Variants in CCDC150 observed in about 807,000 individuals in gnomAD.
The protein encoded by CCDC150 is coiled-coil domain containing 150.
In CCDC150, 151 loss-of-function variants were observed where a neutral mutation model predicts 156.5. The ratio of observed to expected loss-of-function variants is 0.97; its 90% CI spans 0.85 to 1.10. CCDC150 has a LOEUF of 1.10. CCDC150 is among the 50% of genes least tolerant of loss of function. The pLI, the probability that CCDC150 is intolerant of heterozygous loss-of-function variation, is 0.00. For missense variants in CCDC150, 1,312 were observed against 1,268.1 expected (o/e 1.03, Z -0.53); for synonymous variants, 452 against 429.4 (o/e 1.05, Z -0.65).
chr2:196,722,710 G>T (rs935587131), intron 21 of CCDC150, among the ~76,000 whole-genome samples: 7 of 152,126 alleles, frequency 4.6e-5, no homozygotes, highest in Admixed American at 4.6e-4. Flanking sequence ...CCTTAAGACT[G>T]TTCCATATTG....
intron 15 of CCDC150, among the ~76,000 whole-genome samples, chr2:196,701,760 T>C (rs1231785553): frequency 6.6e-6 from 1 of 152,214 alleles, no homozygotes; most frequent in Non-Finnish European, 1.5e-5. Flanking sequence ...TGCCATTTAC[T>C]TTGAAATGCA....
At chr2:196,643,604 C>T (rs1692366107) in intron 1 of CCDC150, among the ~76,000 whole-genome samples, 1 of 152,198 alleles carries the variant, frequency 6.6e-6, no homozygotes, top group Non-Finnish European at 1.5e-5. Context: ...GCATCCTATT[C>T]AAAATATGTG....
chr2:196,709,235 C>T (rs918296098), intron 15 of CCDC150, among the ~76,000 whole-genome samples: 18 of 152,088 alleles, frequency 1.2e-4, no homozygotes, highest in East Asian at 7.7e-4. Context: ...CTTCTCTTCT[C>T]GCTTTATTTC....
chr2:196,649,505 G>T (rs1306584925), intron 2 of CCDC150, among the ~76,000 whole-genome samples: 1 of 152,128 alleles, frequency 6.6e-6, no homozygotes, highest in Non-Finnish European at 1.5e-5. Flanking sequence ...TGGTATACCG[G>T]TTTATAGCCC....
At chr2:196,664,518 T>C (rs1253100134) in intron 5 of CCDC150, among the ~76,000 whole-genome samples, 1 of 152,242 alleles carries the variant, frequency 6.6e-6, no homozygotes, top group East Asian at 1.9e-4. Flanking sequence ...AGGCCCTTTC[T>C]GGGGCTAACC....
chr2:196,723,540 G>A (rs1481809275), intron 21 of CCDC150, among the ~76,000 whole-genome samples: 1 of 152,132 alleles, frequency 6.6e-6, no homozygotes, highest in Non-Finnish European at 1.5e-5. Flanking sequence ...TTTGGTGTGG[G>A]TTAGACTGCC....
intron 17 of CCDC150, among the ~76,000 whole-genome samples, chr2:196,717,309 A>G (rs1397058435): frequency 2.6e-5 from 4 of 152,280 alleles, no homozygotes; most frequent in Non-Finnish European, 5.9e-5. Context: ...TTTTGGAGGG[A>G]AGAGTGAATA....
At chr2:196,716,373 G>A (rs1697500878) in intron 17 of CCDC150, among the ~76,000 whole-genome samples, 1 of 152,190 alleles carries the variant, frequency 6.6e-6, no homozygotes, top group Admixed American at 6.5e-5. Flanking sequence ...TCCACCAGGT[G>A]AATGGATAAC....
At position 196,672,328 on chromosome 2, in the gene CCDC150, A is replaced by T; in HGVS notation, c.937-17A>T. On this transcript the variant is annotated splice_polypyrimidine_tract_variant and intron_variant, in intron 8 of 27. Coordinates refer to ENST00000389175, the MANE Select transcript of CCDC150 (RefSeq NM_001080539.2). Reference sequence around the variant, plus strand: ...ATCTCTTATATGTGAAAAAGAGAGTAATTTTTTTTCTTATAGAACCTGCAG... The same window carrying T: ...ATCTCTTATATGTGAAAAAGAGAGTTATTTTTTTTCTTATAGAACCTGCAG... 1 of 1,386,562 alleles carries T rather than the reference A, an allele frequency of 7.2e-7. No individual in the cohort carries two copies. The highest frequency in any genetic ancestry group is 9.7e-7 in the Non-Finnish European group (1 of 1,033,332). 85.9% of individuals were successfully genotyped at this position (1,386,562 alleles called of 1,614,324 possible).
At chr2:196,731,017 A>G (rs1698487668) in intron 26 of CCDC150, 72 bp downstream of exon 26, 1 of 1,095,408 alleles carries the variant, frequency 9.1e-7, no homozygotes, top group Non-Finnish European at 1.3e-6. Context: ...AACCCAAGTC[A>G]ATGTGAAATC....
intron 13 of CCDC150, among the ~76,000 whole-genome samples, chr2:196,682,736 G>T (rs1694914074): frequency 6.6e-6 from 1 of 152,010 alleles, no homozygotes; most frequent in Non-Finnish European, 1.5e-5. Context: ...AATGGATTTT[G>T]TTATGCATTA....
chr2:196,725,797 C>T (rs1321597013), intron 21 of CCDC150, among the ~76,000 whole-genome samples, 176 bp from the exon 22 acceptor site: 1 of 152,148 alleles, frequency 6.6e-6, no homozygotes, highest in East Asian at 1.9e-4. Flanking sequence ...CAGGTAAATT[C>T]ACTTCTTTTT....
chr2:196,652,493 G>A (rs1692948041), intron 2 of CCDC150, among the ~76,000 whole-genome samples: 1 of 152,248 alleles, frequency 6.6e-6, no homozygotes, highest in East Asian at 1.9e-4. Flanking sequence ...ACACTGGTAT[G>A]CCAGATGGGC....
chr2:196,730,204 G>C, intron 25 of CCDC150, 86 bp downstream of exon 25: 1 of 1,163,568 alleles, frequency 8.6e-7, no homozygotes, highest in Non-Finnish European at 1.2e-6. Context: ...AGACTTTCTA[G>C]AGTCTACAGA....
At chr2:196,688,614 G>A (rs1165664663) in intron 13 of CCDC150, among the ~76,000 whole-genome samples, 1 of 152,036 alleles carries the variant, frequency 6.6e-6, no homozygotes, top group Non-Finnish European at 1.5e-5. Flanking sequence ...TTGTAAATTT[G>A]TTTGAGTTCA....
At chr2:196,660,069 A>G (rs114570453) in intron 5 of CCDC150, among the ~76,000 whole-genome samples, 2,691 of 152,240 alleles carry the variant, frequency 0.018, 35 homozygotes, top group Admixed American at 0.034. Context: ...TAGAGTATGT[A>G]TGTAGTCTTT....
At chr2:196,660,197 TTATC>T (rs1356883497) in intron 5 of CCDC150, among the ~76,000 whole-genome samples, 1 of 152,222 alleles carries the variant, frequency 6.6e-6, no homozygotes, top group East Asian at 1.9e-4. Flanking sequence ...CACAATTTGT[TTATC>T]CATTCACCTA....
intron 2 of CCDC150, among the ~76,000 whole-genome samples, chr2:196,648,333 A>C (rs1316846419): frequency 6.6e-6 from 1 of 152,076 alleles, no homozygotes; most frequent in Non-Finnish European, 1.5e-5. Context: ...AGCCATTCTA[A>C]CAGGTGTGAG....
intron 1 of CCDC150, among the ~76,000 whole-genome samples, chr2:196,642,257 A>G (rs1211125918): frequency 6.6e-6 from 1 of 152,236 alleles, no homozygotes; most frequent in African/African-American, 2.4e-5. Flanking sequence ...AATGTCAGCC[A>G]TTAGAGGTAG....
Sources: gnomAD v4.1 joint callset for allele counts (sites outside exome capture counted in the v4.1 genomes callset) on GRCh38, gnomAD v4.1.1 for gene constraint, MANE v1.5 for transcripts, NCBI Gene and HGNC (gene_info 2026-07-23, HGNC 2026-07-21) for gene names.